The following CFAP61 variants were observed in gnomAD, a reference collection of about 807,000 sequenced individuals.
The protein encoded by CFAP61 is cilia and flagella associated protein 61.
CFAP61 carries 107 observed loss-of-function variants against 135.6 expected under a neutral mutation model. The observed-to-expected ratio is 0.79, with a 90% CI of 0.67 to 0.93. CFAP61 has a LOEUF of 0.93. Among genes scored for constraint, CFAP61 ranks in the 40% least tolerant of loss-of-function variants. The probability of loss-of-function intolerance (pLI) is 0.00; values close to 1 mark genes in which losing one functional copy is unlikely to be tolerated. For synonymous variants in CFAP61, 575 were observed against 578.5 expected (o/e 0.99, Z 0.09); for missense variants, 1,507 against 1,556.2 (o/e 0.97, Z 0.53).
At chr20:20,259,245 C>CTTTT (rs3060665) in intron 20 of CFAP61, among the ~76,000 whole-genome samples, 1 of 75,944 alleles carries the variant, frequency 1.3e-5, no homozygotes. Flanking sequence ...GCCCTTCCAT[C>CTTTT]TTTTTTTTTT....
At chr20:20,201,067 A>G (rs985667598) in intron 17 of CFAP61, 6 of 605,054 alleles carry the variant, frequency 9.9e-6, no homozygotes, top group Non-Finnish European at 1.2e-5. Flanking sequence ...CCTTTTTTTA[A>G]TTAATGTGCA....
chr20:20,309,880 G>A (rs2424347), intron 25 of CFAP61, among the ~76,000 whole-genome samples: 102,468 of 152,102 alleles, frequency 0.67, 34,598 homozygotes, highest in East Asian at 0.74. Flanking sequence ...CAAAGCACAC[G>A]CATGGGTGCC....
At chr20:20,102,046 C>T (rs1370897983) in intron 8 of CFAP61, among the ~76,000 whole-genome samples, 9 of 152,296 alleles carry the variant, frequency 5.9e-5, no homozygotes, top group African/African-American at 2.2e-4. Context: ...CTCCTATCTG[C>T]TGGAATCTTC....
At chr20:20,230,432 C>T (rs1271369007) in intron 18 of CFAP61, among the ~76,000 whole-genome samples, 2 of 152,192 alleles carry the variant, frequency 1.3e-5, no homozygotes, top group African/African-American at 4.8e-5. Context: ...TAATTTTATA[C>T]ATGATTTGAG....
Position 20,298,194 on chromosome 20 carries a change from T to A in CFAP61, c.3230T>A (p.Val1077Glu). 6.2e-7 allele frequency: 1 copy of A among 1,613,434 alleles called. No homozygotes were observed. Among genetic ancestry groups the A allele is most frequent in the Admixed American group, 1.7e-5 (1 of 60,014 alleles). Residue 1077 changes from valine to glutamate, a missense_variant, in exon 25 of 27, where the codon GTA (valine) becomes GAA (glutamate). Physicochemically the swap from Val to Glu is moderately radical, Grantham distance 121. Coordinates refer to ENST00000245957, the MANE Select transcript of CFAP61 (RefSeq NM_015585.4). ...TCCCTCCTCCAGGGTTTAGAACTAG[T>A]AACCGGCAGTGCGAAAAATGGGACT... is the stretch of plus-strand genomic sequence containing the variant. ...MAQPNYGLEL[V>E]TGSAKNGTYF...
intron 9 of CFAP61, among the ~76,000 whole-genome samples, chr20:20,155,714 A>G (rs544159118): frequency 2.6e-5 from 4 of 152,300 alleles, no homozygotes; most frequent in African/African-American, 7.2e-5. Flanking sequence ...CAAAACCACA[A>G]TGGAATGTCA....
chr20:20,304,272 C>CTGTGTGTGTGTGTGTGTG (rs532157100), intron 25 of CFAP61, among the ~76,000 whole-genome samples: 108 of 103,118 alleles, frequency 1.0e-3, no homozygotes, highest in Admixed American at 2.0e-3. Flanking sequence ...CCATCGGTGA[C>CTGTGTGTGTGTGTGTGTG]TGTGTGTGTG....
At chr20:20,111,383 C>G (rs2048792933) in intron 8 of CFAP61, among the ~76,000 whole-genome samples, 1 of 152,060 alleles carries the variant, frequency 6.6e-6, no homozygotes, top group Admixed American at 6.6e-5. Context: ...TCAAGGTCCC[C>G]CAAATATCCT....
In CFAP61 at chr20:20,360,317, C is replaced by T; in HGVS notation, c.3621C>T (p.Ser1207=). The part of the protein sequence containing the change: ...RQYLKRVFEE[S]IYKTLVERST... ...ACCTCAAAAGAGTTTTTGAGGAATC[C>T]ATCTACAAAACCCTGGTGGAGAGAA... The change falls in exon 27 of 27, where the codon TCC becomes TCT. Residue 1207 remains serine (S), a synonymous_variant. Coordinates refer to ENST00000245957, the MANE Select transcript of CFAP61 (RefSeq NM_015585.4). 1 of 1,613,768 alleles carries T rather than the reference C, an allele frequency of 6.2e-7. No homozygotes were observed. Among genetic ancestry groups the T allele is most frequent in the South Asian group, 1.1e-5 (1 of 91,058 alleles).
intron 13 of CFAP61, among the ~76,000 whole-genome samples, chr20:20,175,647 C>T (rs955452501): frequency 3.3e-5 from 5 of 152,098 alleles, no homozygotes; most frequent in African/African-American, 1.2e-4. Context: ...CTGCCTCAGC[C>T]TCCCGAGTAG....
At chr20:20,132,554 C>T (rs886217749) in intron 8 of CFAP61, among the ~76,000 whole-genome samples, 24 of 151,866 alleles carry the variant, frequency 1.6e-4, no homozygotes, top group Non-Finnish European at 7.4e-5. Context: ...ATATTTTATC[C>T]TTATTAATAT....
At chr20:20,122,230 T>G (rs2049709262) in intron 8 of CFAP61, among the ~76,000 whole-genome samples, 1 of 152,060 alleles carries the variant, frequency 6.6e-6, no homozygotes. Context: ...CTTGGCTCAC[T>G]GCAACCTCTG....
intron 25 of CFAP61, among the ~76,000 whole-genome samples, chr20:20,313,907 C>A (rs531266195): frequency 2.0e-5 from 3 of 152,280 alleles, no homozygotes; most frequent in African/African-American, 7.2e-5. Context: ...GGCACTCTGG[C>A]TTTAAAACAA....
Position 20,142,945 on chromosome 20 carries a change from C to G in CFAP61, c.948C>G (p.Ile316Met). The change falls in exon 9 of 27, where the codon ATC becomes ATG. Residue 316 changes from isoleucine to methionine, a missense_variant. Transcript: ENST00000245957. ...TCTCTCCAGATACCATGGAAAACAT[C>G]CAGGTGAGAGAGACTATCCCTCCAT... ...EPVSPDTMEN[I>M]QGNIAREAAS... is the part of the protein sequence containing the mutation. 6.3e-7 allele frequency: 1 copy of G among 1,576,416 alleles called. No homozygotes were observed. The highest frequency in any genetic ancestry group is 8.7e-7 in the Non-Finnish European group (1 of 1,155,934).
At chr20:20,144,680 A>G (rs1022062845) in intron 9 of CFAP61, among the ~76,000 whole-genome samples, 1 of 152,124 alleles carries the variant, frequency 6.6e-6, no homozygotes, top group African/African-American at 2.4e-5. Context: ...ACTCACAGAT[A>G]CAAGAAGCTC....
chr20:20,253,144 ATTTTCTTTTC>A (rs11472286), intron 20 of CFAP61, among the ~76,000 whole-genome samples: 1 of 149,822 alleles, frequency 6.7e-6, no homozygotes, highest in Non-Finnish European at 1.5e-5. Context: ...GAGATGCTAC[ATTTTCTTTTC>A]TTTTCTTTTC....
At chr20:20,167,296 TAAG>T (rs903310415) in intron 12 of CFAP61, among the ~76,000 whole-genome samples, 2 of 152,214 alleles carry the variant, frequency 1.3e-5, no homozygotes, top group African/African-American at 4.8e-5. Context: ...AGCTTTATAA[TAAG>T]GCAATATGTT....
chr20:20,299,683 G>A (rs192980653), intron 25 of CFAP61, among the ~76,000 whole-genome samples: 10 of 152,330 alleles, frequency 6.6e-5, no homozygotes, highest in Admixed American at 2.0e-4. Context: ...GTTTAGCACG[G>A]TGTTTGTGAG....
chr20:20,191,530 C>A (rs2055919781), intron 15 of CFAP61, 111 bp downstream of exon 15: 1 of 636,836 alleles, frequency 1.6e-6, no homozygotes, highest in South Asian at 2.4e-5. Context: ...GTGAATGCCT[C>A]CTTTTTCTGA....
Sources: allele counts gnomAD v4.1 joint callset (sites outside exome capture counted in the v4.1 genomes callset), GRCh38; gene constraint gnomAD v4.1.1; transcripts MANE v1.5; gene names NCBI Gene and HGNC (gene_info 2026-07-23, HGNC 2026-07-21).